PTPRQ: variants seen among roughly 807,000 people sequenced by gnomAD.
PTPRQ encodes the protein phosphatidylinositol phosphatase PTPRQ.
A neutral mutation model predicts 246.0 loss-of-function variants in PTPRQ; 199 were observed. The ratio of observed to expected loss-of-function variants is 0.81; its 90% confidence interval spans 0.72 to 0.91. PTPRQ has a LOEUF of 0.91. Among genes scored for constraint, PTPRQ ranks in the 40% least tolerant of loss-of-function variants. PTPRQ has a pLI of 0.00. For missense variants in PTPRQ, 2,624 were observed against 2,528.4 expected (o/e 1.04, Z -0.81); for synonymous variants, 869 against 853.2 (o/e 1.02, Z -0.32).
chr12:80,617,003 AGAATTCTACCT>A (rs1018499788), intron 30 of PTPRQ, among the ~76,000 whole-genome samples: 43 of 151,248 alleles, frequency 2.8e-4, no homozygotes, highest in African/African-American at 9.7e-4. Context: ...GACTTTTAGT[AGAATTCTACCT>A]GATATGTCTC....
chr12:80,673,999 G>A (rs569896614), intron 43 of PTPRQ, among the ~76,000 whole-genome samples: 2 of 151,894 alleles, frequency 1.3e-5, no homozygotes, highest in African/African-American at 4.8e-5. Context: ...GTAAGGCAGG[G>A]CCAGTAAAAC....
At chr12:80,513,617 A>G (rs1042680336) in intron 17 of PTPRQ, among the ~76,000 whole-genome samples, 4 of 152,054 alleles carry the variant, frequency 2.6e-5, no homozygotes, top group African/African-American at 9.7e-5. Context: ...GGCACAAACA[A>G]GCCCGGGTGT....
rs186576815 is a variant in PTPRQ at position 80,474,398 on chromosome 12, A to T, written c.1186+2147A>T. The stretch of plus-strand genomic sequence containing the variant: ...TTGGTGCTCTTATAAATCTCCAGAT[A>T]CTCATAGAAAAATGTTGCATTGACC... On this transcript the variant is annotated intron_variant, in intron 8 of 44. Transcript: ENST00000644991. Among the ~76,000 whole-genome samples, 9 of 152,330 alleles carry T rather than the reference A, an allele frequency of 5.9e-5. No individual in the cohort carries two copies. In the South Asian group the frequency reaches 1.0e-3, roughly 18 times the overall value.
At chr12:80,495,869 C>A in intron 12 of PTPRQ, 130 bp from the exon 13 acceptor site, 1 of 1,110,368 alleles carries the variant, frequency 9.0e-7, no homozygotes, top group Admixed American at 3.4e-5. Flanking sequence ...GAGGAGACTG[C>A]AATTATTTGG....
At chr12:80,652,171 A>C (rs1592760738) in intron 37 of PTPRQ, among the ~76,000 whole-genome samples, 1 of 152,118 alleles carries the variant, frequency 6.6e-6, no homozygotes, top group Admixed American at 6.6e-5. Flanking sequence ...TAATATCATA[A>C]ATTTTCATCA....
At chr12:80,594,953 A>G (rs754773049) in intron 26 of PTPRQ, among the ~76,000 whole-genome samples, 26 of 152,170 alleles carry the variant, frequency 1.7e-4, no homozygotes, top group Non-Finnish European at 3.5e-4. Flanking sequence ...ATCATTTTCT[A>G]CATGCCTGCA....
chr12:80,528,512 C>T (rs925278963), intron 17 of PTPRQ, among the ~76,000 whole-genome samples: 2 of 152,068 alleles, frequency 1.3e-5, no homozygotes, highest in South Asian at 2.1e-4. Flanking sequence ...TTTGAGCACC[C>T]CTGGGAAGTC....
chr12:80,577,524 G>T lies in PTPRQ; in HGVS notation c.4286-10605G>T, dbSNP rs562838974. 1.8e-3 allele frequency among the ~76,000 whole-genome samples: 277 copies of T among 152,192 alleles called. 4 individuals are homozygous for T. The highest frequency in any genetic ancestry group is 6.5e-3 in the African/African-American group (270 of 41,498). ...CAATTCAAGATGAGATTTGGGTGGGGACACAGCCAAACCATATTGGCCTCC... is the reference window on the plus strand; with the variant it reads ...CAATTCAAGATGAGATTTGGGTGGGTACACAGCCAAACCATATTGGCCTCC... On this transcript the variant is annotated intron_variant, in intron 25 of 44. Transcript: ENST00000644991.
intron 33 of PTPRQ, among the ~76,000 whole-genome samples, chr12:80,623,693 G>A (rs1392259803): frequency 6.6e-6 from 1 of 152,114 alleles, no homozygotes; most frequent in Non-Finnish European, 1.5e-5. Flanking sequence ...GTGCTGAAAG[G>A]AGCTAGCCTT....
chr12:80,655,047 C>T (rs1175625869), intron 38 of PTPRQ, among the ~76,000 whole-genome samples: 1 of 151,838 alleles, frequency 6.6e-6, no homozygotes, highest in Non-Finnish European at 1.5e-5. Flanking sequence ...ATCTGGGTTC[C>T]CTTTAAGACT....
intron 8 of PTPRQ, among the ~76,000 whole-genome samples, chr12:80,480,632 C>T (rs1409842038): frequency 2.6e-5 from 4 of 151,466 alleles, no homozygotes; most frequent in African/African-American, 9.7e-5. Flanking sequence ...ACTAGCAAGA[C>T]TAATAAAGAA....
At chr12:80,458,747 ACT>A (rs1341642574) in intron 4 of PTPRQ, among the ~76,000 whole-genome samples, 3 of 151,924 alleles carry the variant, frequency 2.0e-5, no homozygotes, top group Admixed American at 6.6e-5. Context: ...TATTATTATT[ACT>A]CTATATAATT....
intron 17 of PTPRQ, among the ~76,000 whole-genome samples, chr12:80,527,829 A>G (rs181519294): frequency 1.3e-5 from 2 of 150,412 alleles, no homozygotes; most frequent in Non-Finnish European, 3.0e-5. Flanking sequence ...AAAATTAAGA[A>G]ATATCTGTAA....
At chr12:80,527,819 A>C (rs926267913) in intron 17 of PTPRQ, among the ~76,000 whole-genome samples, 2 of 151,946 alleles carry the variant, frequency 1.3e-5, no homozygotes, top group African/African-American at 4.8e-5. Context: ...CAGATATCTA[A>C]AAATTAAGAA....
chr12:80,562,448 C>G (rs1896854687), intron 25 of PTPRQ, among the ~76,000 whole-genome samples: 1 of 152,066 alleles, frequency 6.6e-6, no homozygotes. Context: ...TTTTTATGCT[C>G]TCAGGATGCA....
chr12:80,669,931 A>G (rs1447374708), intron 41 of PTPRQ, among the ~76,000 whole-genome samples: 2 of 152,036 alleles, frequency 1.3e-5, no homozygotes. Context: ...CTCAGTTTAT[A>G]TAAATGCCTA....
intron 9 of PTPRQ, among the ~76,000 whole-genome samples, chr12:80,489,191 T>C (rs1489452577): frequency 2.6e-5 from 4 of 152,070 alleles, no homozygotes; most frequent in Non-Finnish European, 5.9e-5. Flanking sequence ...CTGAAATACC[T>C]GTCTTTTAAT....
At chr12:80,454,227 G>A (rs1259203697) in intron 3 of PTPRQ, among the ~76,000 whole-genome samples, 7 of 149,640 alleles carry the variant, frequency 4.7e-5, no homozygotes, top group East Asian at 2.0e-4. Flanking sequence ...TCGGAAAAGC[G>A]CAGTATTCGG....
intron 5 of PTPRQ, 68 bp downstream of exon 5, chr12:80,459,551 C>G: frequency 2.5e-6 from 1 of 397,514 alleles, no homozygotes; most frequent in East Asian, 3.6e-5. Flanking sequence ...ATATTTCTAG[C>G]ATCTAGATAC....
Sources: allele counts gnomAD v4.1 joint callset (sites outside exome capture counted in the v4.1 genomes callset), GRCh38; gene constraint gnomAD v4.1.1; transcripts MANE v1.5; gene names NCBI Gene and HGNC (gene_info 2026-07-23, HGNC 2026-07-21).